The following MACROD2 variants were observed in gnomAD, a reference collection of about 807,000 sequenced individuals.
The protein encoded by MACROD2 is ADP-ribose glycohydrolase MACROD2.
Under a neutral mutation model 70.4 loss-of-function variants are expected in MACROD2, and 36 were observed. The ratio of observed to expected loss-of-function variants is 0.51; its 90% confidence interval spans 0.39 to 0.68. The LOEUF is 0.68. Among genes scored for constraint, MACROD2 ranks in the 30% least tolerant of loss-of-function variants. The pLI, the probability that MACROD2 is intolerant of heterozygous loss-of-function variation, is 0.00. For synonymous variants in MACROD2, 172 were observed against 178.8 expected (o/e 0.96, Z 0.30); for missense variants, 496 against 538.4 (o/e 0.92, Z 0.78).
intron 8 of MACROD2, among the ~76,000 whole-genome samples, chr20:15,633,059 G>C (rs770889454): frequency 6.6e-6 from 1 of 152,032 alleles, no homozygotes; most frequent in African/African-American, 2.4e-5. Context: ...CTGAGTTATA[G>C]ATTGTGAAGA....
At chr20:14,128,011 T>C in intron 3 of MACROD2, 3 of 547,562 alleles carry the variant, frequency 5.5e-6, no homozygotes, top group Non-Finnish European at 1.1e-5. Context: ...CATGTTCCTT[T>C]TGAACAGATG....
intron 3 of MACROD2, among the ~76,000 whole-genome samples, chr20:14,221,107 A>G (rs2081669837): frequency 6.6e-6 from 1 of 152,204 alleles, no homozygotes; most frequent in Admixed American, 6.5e-5. Flanking sequence ...TGCTGTCAAC[A>G]TTATTGCTTT....
chr20:15,853,915 CA>C (rs1051849740), intron 8 of MACROD2, among the ~76,000 whole-genome samples: 76 of 152,230 alleles, frequency 5.0e-4, no homozygotes, highest in African/African-American at 1.7e-3. Context: ...CTGAGGCTTA[CA>C]AAACTTAAGT....
intron 7 of MACROD2, among the ~76,000 whole-genome samples, chr20:15,432,214 A>T (rs2046372274): frequency 6.6e-6 from 1 of 152,052 alleles, no homozygotes; most frequent in South Asian, 2.1e-4. Context: ...ACATATATGT[A>T]TATATTTTAA....
intron 4 of MACROD2, among the ~76,000 whole-genome samples, chr20:14,556,060 GT>G (rs1275951276): frequency 2.0e-5 from 3 of 152,020 alleles, no homozygotes; most frequent in East Asian, 3.9e-4. Context: ...ATAAATGAAT[GT>G]TTGCCTGCAT....
intron 5 of MACROD2, among the ~76,000 whole-genome samples, chr20:15,178,923 A>T (rs2076481087): frequency 6.6e-6 from 1 of 152,194 alleles, no homozygotes; most frequent in Non-Finnish European, 1.5e-5. Flanking sequence ...CAGCTGAAGA[A>T]GAGGATGGAA....
chr20:15,628,135 T>C (rs2049233857), intron 8 of MACROD2, among the ~76,000 whole-genome samples: 1 of 152,192 alleles, frequency 6.6e-6, no homozygotes, highest in Non-Finnish European at 1.5e-5. Context: ...GGAAATAACC[T>C]ACAGGGCTGA....
intron 12 of MACROD2, among the ~76,000 whole-genome samples, chr20:15,953,008 T>A (rs933539385): frequency 6.6e-6 from 1 of 152,078 alleles, no homozygotes; most frequent in African/African-American, 2.4e-5. Context: ...ATGATAAACA[T>A]ACACAATGGA....
In MACROD2 at chr20:14,816,805, G is replaced by A. The variant is rs577232301; in HGVS notation, c.418+131846G>A. Among the ~76,000 whole-genome samples the A allele has an allele frequency of 5.3e-5, 8 of 151,922 alleles. No individual in the cohort carries two copies. In the South Asian group the frequency reaches 6.2e-4, roughly 12 times the overall value. ...CCAAATTGGATTATATGAGATTCTG[G>A]CCTTAAAACTATCATTCTATTATGT... is the stretch of plus-strand genomic sequence containing the variant. On this transcript the variant is annotated intron_variant, in intron 5 of 17. Transcript: ENST00000684519.
At chr20:14,678,829 C>T (rs985945718) in intron 4 of MACROD2, among the ~76,000 whole-genome samples, 4 of 152,124 alleles carry the variant, frequency 2.6e-5, no homozygotes, top group Non-Finnish European at 5.9e-5. Flanking sequence ...TGAATTATAA[C>T]ACTTCTAATA....
intron 4 of MACROD2, among the ~76,000 whole-genome samples, chr20:14,548,723 A>T (rs1407425471): frequency 6.7e-6 from 1 of 148,294 alleles, no homozygotes; most frequent in Non-Finnish European, 1.5e-5. Context: ...GTCTCAAAAA[A>T]AAAAAAAAAA....
At chr20:14,139,403 AAC>A (rs1436993720) in intron 3 of MACROD2, among the ~76,000 whole-genome samples, 1 of 152,242 alleles carries the variant, frequency 6.6e-6, no homozygotes, top group Non-Finnish European at 1.5e-5. Context: ...CTAAGATTCA[AAC>A]ACAGATATTT....
intron 5 of MACROD2, among the ~76,000 whole-genome samples, chr20:15,046,452 C>T (rs1189354506): frequency 2.0e-5 from 3 of 152,194 alleles, no homozygotes; most frequent in Non-Finnish European, 2.9e-5. Context: ...CTACCAAAAC[C>T]CTTTAGACGG....
intron 3 of MACROD2, among the ~76,000 whole-genome samples, chr20:14,198,746 C>T (rs2081454387): frequency 6.6e-6 from 1 of 152,092 alleles, no homozygotes; most frequent in Non-Finnish European, 1.5e-5. Context: ...TTTCTTTCCT[C>T]TCTCTTTCTC....
At chr20:15,693,641 C>T (rs1224986522) in intron 8 of MACROD2, among the ~76,000 whole-genome samples, 2 of 152,178 alleles carry the variant, frequency 1.3e-5, no homozygotes, top group South Asian at 2.1e-4. Flanking sequence ...AAACAAGAGA[C>T]CATCACTGAT....
chr20:15,669,478 A>C (rs550616578), intron 8 of MACROD2, among the ~76,000 whole-genome samples: 3 of 152,256 alleles, frequency 2.0e-5, no homozygotes, highest in African/African-American at 7.2e-5. Context: ...ACAGTGTCTC[A>C]TAGCTGGAAA....
intron 8 of MACROD2, among the ~76,000 whole-genome samples, chr20:15,594,589 A>T (rs896465248): frequency 6.6e-6 from 1 of 152,160 alleles, no homozygotes; most frequent in African/African-American, 2.4e-5. Flanking sequence ...CTCAGCTCTC[A>T]TTGCTATTTT....
chr20:14,360,713 T>A (rs2122718084), intron 3 of MACROD2, among the ~76,000 whole-genome samples: 1 of 152,366 alleles, frequency 6.6e-6, no homozygotes, highest in Non-Finnish European at 1.5e-5. Context: ...ATTGCTGTAA[T>A]CAGGCATCTT....
intron 3 of MACROD2, among the ~76,000 whole-genome samples, chr20:14,110,491 T>G (rs768834735): frequency 1.3e-5 from 2 of 151,656 alleles, no homozygotes; most frequent in Admixed American, 6.6e-5. Context: ...TCTAAAAGCT[T>G]CACCAAAAAA....
Sources: gnomAD v4.1 joint callset for allele counts (sites outside exome capture counted in the v4.1 genomes callset) on GRCh38, gnomAD v4.1.1 for gene constraint, MANE v1.5 for transcripts, NCBI Gene and HGNC (gene_info 2026-07-23, HGNC 2026-07-21) for gene names.